WNK2: variants seen among roughly 807,000 people sequenced by gnomAD.
WNK2 encodes WNK lysine deficient protein kinase 2, also known as serine/threonine-protein kinase WNK2.
WNK2 carries 67 observed loss-of-function variants against 192.1 expected under a neutral mutation model. That is an observed-to-expected ratio of 0.35 (90% CI 0.29 to 0.43). WNK2 has a LOEUF of 0.43. Ranked by LOEUF, WNK2 falls within the 20% of genes least tolerant of loss-of-function variation. WNK2 has a pLI of 1.00. For missense variants in WNK2, 2,698 were observed against 3,089.7 expected, an observed-to-expected ratio of 0.87 and a Z score of 3.01; for synonymous variants, 1,439 against 1,393.9, an observed-to-expected ratio of 1.03 and a Z score of -0.72.
intron 26 of WNK2, among the ~76,000 whole-genome samples, chr9:93,301,294 A>T (rs1235871788): frequency 1.3e-5 from 2 of 152,220 alleles, no homozygotes; most frequent in Non-Finnish European, 2.9e-5. Flanking sequence ...TGCTTGTACA[A>T]TAAAGATACA....
intron 23 of WNK2, among the ~76,000 whole-genome samples, chr9:93,297,328 CTGTGGCAGTGGGCTCACATATGG>C (rs1372555997): frequency 6.6e-6 from 1 of 152,178 alleles, no homozygotes; most frequent in Non-Finnish European, 1.5e-5. Context: ...GATGTGGGAC[CTGTGGCAGTGGGCTCACATATGG>C]TGTGGCATGG....
intron 19 of WNK2, among the ~76,000 whole-genome samples, chr9:93,286,562 G>A (rs1398742758): frequency 6.6e-6 from 1 of 152,228 alleles, no homozygotes; most frequent in Non-Finnish European, 1.5e-5. Context: ...GCAGTGTGGT[G>A]TGAGTGTAAA....
At position 93,185,185 on chromosome 9, in the gene WNK2, G is replaced by C; in HGVS notation, c.256G>C (p.Ala86Pro). The change falls in exon 2 of 30, where the codon GCG (alanine) becomes CCG (proline). Residue 86 changes from alanine (A) to proline (P), a missense_variant. This residue lies in a region of WNK2 where 260 missense variants were observed against 285.6 expected (regional missense o/e 0.91). Transcript: ENST00000427277. ...LLLCKTRRLIAERARGRPAAP... is the reference protein window; with the variant it reads ...LLLCKTRRLIPERARGRPAAP... ...GCTCTGCAAGACGCGCCGCCTCATC[G>C]CGGAGCGCGCCCGCGGACGCCCCGC... is the stretch of plus-strand genomic sequence containing the variant. 1.7e-6 allele frequency: 2 copies of C among 1,188,256 alleles called. No homozygotes were observed. The highest frequency in any genetic ancestry group is 1.6e-5 in the African/African-American group (1 of 61,850). The allele number at this position is 1,188,256 out of a possible 1,614,324, so 73.6% of individuals were successfully genotyped here.
chr9:93,188,543 A>C (rs1168596417), intron 2 of WNK2, among the ~76,000 whole-genome samples: 1 of 152,114 alleles, frequency 6.6e-6, no homozygotes, highest in Non-Finnish European at 1.5e-5. Context: ...TCTTCTCTTG[A>C]ATAAACTTTT....
rs1028581861 is a variant in WNK2 at position 93,239,688 on chromosome 9, T to A, written c.1323-69T>A. On this transcript the variant is annotated intron_variant, in intron 6 of 29. Coordinates refer to ENST00000427277, the MANE Select transcript of WNK2 (RefSeq NM_006648.4). This position sits in a 1 kb window ranked among gnomAD's most constrained non-coding sequence, Gnocchi z 4.2. ...GTGCCTGTCCTTGTCCTGGTGCGCA[T>A]GGACACAGGAGCCTGGGCATGGAGG... is the stretch of plus-strand genomic sequence containing the variant. The A allele has an allele frequency of 2.1e-6, 3 of 1,409,992 alleles. No homozygotes were observed. The highest frequency in any genetic ancestry group is 2.9e-6 in the Non-Finnish European group (3 of 1,032,038). 87.3% of individuals were successfully genotyped at this position (1,409,992 alleles called of 1,614,324 possible). A position where few individuals can be genotyped will look rare whatever the true frequency, so the allele number is the denominator to read the frequency against.
rs1588026522 is a variant in WNK2 at position 93,226,170 on chromosome 9, T to C, written c.682-3526T>C. Reference sequence around the variant, plus strand: ...ACTCACCGCCCACCTGGGCCGTTCCTTTGCAGATAAGACTTGCTCGGGGTT... The same window carrying C: ...ACTCACCGCCCACCTGGGCCGTTCCCTTGCAGATAAGACTTGCTCGGGGTT... On this transcript the variant is annotated intron_variant, in intron 2 of 29. Coordinates refer to ENST00000427277, the MANE Select transcript of WNK2 (RefSeq NM_006648.4). Among the ~76,000 whole-genome samples, 3 of 152,220 alleles carry C rather than the reference T, an allele frequency of 2.0e-5. No homozygotes were observed. In the East Asian group the frequency reaches 5.8e-4, roughly 29 times the overall value.
At chr9:93,201,003 C>T (rs916867762) in intron 2 of WNK2, among the ~76,000 whole-genome samples, 1 of 152,190 alleles carries the variant, frequency 6.6e-6, no homozygotes, top group Non-Finnish European at 1.5e-5. Flanking sequence ...AAAATGCTAA[C>T]AGCAAGGGGC....
rs1588243177 is a variant in WNK2, at chr9:93,259,127, A to C, written c.2579A>C (p.Lys860Thr). Residue 860 changes from lysine to threonine, a missense_variant, in exon 12 of 30, where the codon AAG becomes ACG. Transcript: ENST00000427277. The surrounding 1 kb of genome is among the most constrained non-coding windows in gnomAD (Gnocchi z 4.8). Reference sequence around the variant, plus strand: ...CCAGCCTTGCCTCTGCAGGCTGTGAAGCTGCCCCACCCCCCTGGGGCGCCC... The same window carrying C: ...CCAGCCTTGCCTCTGCAGGCTGTGACGCTGCCCCACCCCCCTGGGGCGCCC... ...ASPALPLQAV[K>T]LPHPPGAPLA... 1.9e-6 allele frequency: 3 copies of C among 1,611,264 alleles called. No homozygotes were observed. The East Asian group carries it at 6.7e-5, about 36-fold the overall frequency.
chr9:93,222,580 T>C (rs914444089), intron 2 of WNK2, among the ~76,000 whole-genome samples: 7 of 152,176 alleles, frequency 4.6e-5, no homozygotes, highest in Admixed American at 3.3e-4. Context: ...AGGGTCCCTT[T>C]TCTGCAAAGA....
intron 7 of WNK2, among the ~76,000 whole-genome samples, chr9:93,241,953 A>T (rs549706670): frequency 2.4e-4 from 36 of 152,202 alleles, no homozygotes; most frequent in African/African-American, 8.2e-4. Flanking sequence ...TACTTGAGCT[A>T]AGGTCCTGCT....
rs759305591 is a variant in WNK2 at position 93,293,002 on chromosome 9, G to A, written c.5537G>A (p.Arg1846Lys). 68 of 1,584,870 alleles carry A rather than the reference G, an allele frequency of 4.3e-5. No homozygotes were observed. The highest frequency in any genetic ancestry group is 5.7e-5 in the Non-Finnish European group (66 of 1,167,518). ...FVKKATAFLQ[R>K]PSRAGSLGPE... ...AAGAAGGCCACCGCCTTCCTGCAGA[G>A]GCCTTCTCGGGCCGGCTCGCTGGGC... is the stretch of plus-strand genomic sequence containing the variant. Residue 1846 changes from arginine (R) to lysine (K), a missense_variant, in exon 23 of 30, where the codon AGG becomes AAG. This residue lies in a region of WNK2 where 1,098 missense variants were observed against 1,101.0 expected (regional missense o/e 1.00). Coordinates refer to ENST00000427277, the MANE Select transcript of WNK2 (RefSeq NM_006648.4).
intron 11 of WNK2, 96 bp from the exon 12 acceptor site, chr9:93,258,835 C>T: frequency 9.0e-7 from 1 of 1,115,110 alleles, no homozygotes; most frequent in Admixed American, 2.1e-5. Flanking sequence ...CCCGTGTCCC[C>T]TCGTCCCCAA....
intron 2 of WNK2, 68 bp downstream of exon 2, chr9:93,185,678 C>G (rs1221780826): frequency 2.9e-5 from 45 of 1,535,676 alleles, no homozygotes; most frequent in Non-Finnish European, 3.8e-5. Flanking sequence ...TTGGGCCTGT[C>G]CTTGCTCCTG....
At chr9:93,234,200 T>C (rs1839414380) in intron 4 of WNK2, among the ~76,000 whole-genome samples, 1 of 152,208 alleles carries the variant, frequency 6.6e-6, no homozygotes. Context: ...CCACATACAG[T>C]TCCCATCTTA....
intron 28 of WNK2, among the ~76,000 whole-genome samples, chr9:93,313,155 A>G (rs1853977893): frequency 6.6e-6 from 1 of 152,190 alleles, no homozygotes; most frequent in Non-Finnish European, 1.5e-5. Flanking sequence ...GAGCACATTT[A>G]AGACAGTCGG....
chr9:93,203,002 T>C (rs961871856), intron 2 of WNK2, among the ~76,000 whole-genome samples: 63 of 151,734 alleles, frequency 4.2e-4, no homozygotes, highest in African/African-American at 9.9e-4. Context: ...AGAGGGGCCC[T>C]CTGAGGTCTG....
chr9:93,233,447 G>A (rs1471929927), intron 4 of WNK2, among the ~76,000 whole-genome samples: 1 of 152,084 alleles, frequency 6.6e-6, no homozygotes, highest in Non-Finnish European at 1.5e-5. Flanking sequence ...TCTAATCCCA[G>A]TACTTTGGGA....
At chr9:93,238,019 C>T (rs943760422) in intron 5 of WNK2, among the ~76,000 whole-genome samples, 4 of 152,334 alleles carry the variant, frequency 2.6e-5, no homozygotes, top group African/African-American at 9.6e-5. Flanking sequence ...GAGCTGGGGC[C>T]ATGGGAGATT....
intron 19 of WNK2, among the ~76,000 whole-genome samples, chr9:93,287,144 CA>C: frequency 1.3e-5 from 2 of 152,292 alleles, no homozygotes; most frequent in East Asian, 3.9e-4. Flanking sequence ...TGTGTTAAGA[CA>C]GCAGATCTCA....
Sources: allele counts gnomAD v4.1 joint callset (sites outside exome capture counted in the v4.1 genomes callset), GRCh38; gene constraint gnomAD v4.1.1; regional missense constraint gnomAD v4.1.1; non-coding constraint Gnocchi (gnomAD v3.1); transcripts MANE v1.5; gene names NCBI Gene and HGNC (gene_info 2026-07-23, HGNC 2026-07-21).